Variants in MARK3 observed in about 807,000 individuals in gnomAD.
The protein encoded by MARK3 is MAP/microtubule affinity-regulating kinase 3.
In MARK3, 46 loss-of-function variants were observed where a neutral mutation model predicts 90.1. The ratio of observed to expected loss-of-function variants is 0.51; its 90% CI spans 0.40 to 0.65. The LOEUF is 0.65. Ranked by LOEUF, MARK3 falls within the 30% of genes least tolerant of loss-of-function variation. The pLI is 0.00. For synonymous variants in MARK3, 321 were observed against 332.6 expected (o/e 0.97, Z 0.38); for missense variants, 818 against 947.2 (o/e 0.86, Z 1.79).
intron 13 of MARK3, among the ~76,000 whole-genome samples, chr14:103,475,824 A>G (rs879372873): frequency 4.6e-5 from 7 of 152,116 alleles, no homozygotes; most frequent in Non-Finnish European, 8.8e-5. Context: ...AGGCACCTGT[A>G]ATCCCAGCTG....
intron 14 of MARK3, among the ~76,000 whole-genome samples, chr14:103,487,065 C>T (rs1052026620): frequency 4.0e-5 from 6 of 151,712 alleles, no homozygotes; most frequent in Admixed American, 2.6e-4. Flanking sequence ...TACAGGGGCC[C>T]GCCACCACAC....
intron 1 of MARK3, among the ~76,000 whole-genome samples, chr14:103,399,533 T>TA (rs1812263362): frequency 6.6e-6 from 1 of 151,798 alleles, no homozygotes; most frequent in Non-Finnish European, 1.5e-5. Context: ...TCGTCTCTAC[T>TA]AAAAATACGA....
Position 103,465,973 on chromosome 14 carries a change from A to G in MARK3, c.779A>G (p.Glu260Gly). 6.2e-7 allele frequency: 1 copy of G among 1,612,580 alleles called. No homozygotes were observed. Among genetic ancestry groups the G allele is most frequent in the Non-Finnish European group, 8.5e-7 (1 of 1,179,538 alleles). ...SLPFDGQNLK[E>G]LRERVLRGKY... ...TCTTTCCTCTGTACCTCTCCAAAGG[A>G]ACTGAGAGAGAGAGTATTAAGAGGG... The change falls in exon 9 of 18, where the codon GAA (glutamate) becomes GGA (glycine). Residue 260 changes from glutamate (E) to glycine (G), a missense_variant and splice_region_variant. Glu to Gly is a moderately conservative substitution (Grantham distance 98). Coordinates refer to ENST00000429436, the MANE Select transcript of MARK3 (RefSeq NM_001128918.3).
At chr14:103,479,077 A>G (rs7145113) in intron 13 of MARK3, among the ~76,000 whole-genome samples, 44,009 of 152,036 alleles carry the variant, frequency 0.29, 7,059 homozygotes, top group Middle Eastern at 0.46. Context: ...CTAAAGTACA[A>G]TGGTGCAAAC....
chr14:103,407,554 CTTTTTTTT>C (rs71460673), intron 2 of MARK3, among the ~76,000 whole-genome samples: 45 of 71,662 alleles, frequency 6.3e-4, no homozygotes, highest in African/African-American at 2.1e-3. Flanking sequence ...TGTTTTGCCT[CTTTTTTTT>C]TTTTTTTTTT....
At chr14:103,475,957 A>G (rs2093707548) in intron 13 of MARK3, among the ~76,000 whole-genome samples, 1 of 151,900 alleles carries the variant, frequency 6.6e-6, no homozygotes, top group Non-Finnish European at 1.5e-5. Flanking sequence ...AAAAAAAAAA[A>G]GATACTAATC....
chr14:103,385,945 G>C lies in MARK3; in HGVS notation c.-85G>C. The C allele has an allele frequency of 9.0e-7, 1 of 1,117,168 alleles. No individual in the cohort carries two copies. The highest frequency in any genetic ancestry group is 1.7e-5 in the Admixed American group (1 of 58,664). 69.2% of individuals were successfully genotyped at this position (1,117,168 alleles called of 1,614,324 possible). A position where few individuals can be genotyped will look rare whatever the true frequency, so the allele number is the denominator to read the frequency against. On this transcript the variant is annotated 5_prime_UTR_variant, in exon 1 of 18. Transcript: ENST00000429436. ...ACGGCGCCTTTTCGGAACTGCCGTG[G>C]ACTCGAGGACGCTGGTCGCCGGCCT...
In MARK3 at chr14:103,391,655, G is replaced by A. The variant is rs575295255; in HGVS notation, c.51+5575G>A. Among the ~76,000 whole-genome samples, 9 of 147,490 alleles carry A rather than the reference G, an allele frequency of 6.1e-5. No homozygotes were observed. The East Asian group carries it at 1.0e-3, about 16-fold the overall frequency. On this transcript the variant is annotated intron_variant, in intron 1 of 17. Coordinates refer to ENST00000429436, the MANE Select transcript of MARK3 (RefSeq NM_001128918.3). ...TGCCGCCCGGGTTCAAGCGATTGTC[G>A]TGCGCAGCCTCCCGAGTAGCTGGGA...
At chr14:103,412,249 T>G in intron 2 of MARK3, 2 of 743,166 alleles carry the variant, frequency 2.7e-6, no homozygotes. Context: ...GCTCATCGTC[T>G]GTCATCTTCA....
At chr14:103,416,778 A>G (rs2091961260) in intron 2 of MARK3, among the ~76,000 whole-genome samples, 1 of 152,180 alleles carries the variant, frequency 6.6e-6, no homozygotes, top group South Asian at 2.1e-4. Flanking sequence ...GTCTCAAAAA[A>G]TAAAGAAAGA....
chr14:103,481,176 G>A (rs990770701), intron 14 of MARK3, among the ~76,000 whole-genome samples: 1 of 152,070 alleles, frequency 6.6e-6, no homozygotes, highest in African/African-American at 2.4e-5. Context: ...AGACTCTGAG[G>A]TGGGGTTAGT....
intron 5 of MARK3, among the ~76,000 whole-genome samples, chr14:103,452,867 G>T (rs893622428): frequency 1.1e-4 from 16 of 152,178 alleles, no homozygotes; most frequent in Non-Finnish European, 2.4e-4. Context: ...TCCTTTTTAA[G>T]GCCGAATAAT....
At chr14:103,495,478 CA>C (rs11462384) in intron 15 of MARK3, among the ~76,000 whole-genome samples, 2,104 of 142,600 alleles carry the variant, frequency 0.015, 49 homozygotes, top group African/African-American at 0.048. Flanking sequence ...CACTCCATCT[CA>C]AAAAAAAAAA....
In MARK3 at chr14:103,431,982, CT is replaced by C. The variant is rs772025421; in HGVS notation, c.297+3543del. ...TTCCATACTTGGAATTGTTTCCCCC[CT>C]CCCACCTGAATTTGTTTGATTCCTG... On this transcript the variant is annotated intron_variant, in intron 3 of 17. Transcript: ENST00000429436. Among the ~76,000 whole-genome samples, 696 of 151,024 alleles carry C rather than the reference CT, an allele frequency of 4.6e-3. 2 individuals carry two copies. The highest frequency in any genetic ancestry group is 0.014 in the African/African-American group (560 of 41,146).
chr14:103,484,163 C>CTTTTTTTTTTTTTT (rs34512580), intron 14 of MARK3, among the ~76,000 whole-genome samples: 2 of 146,280 alleles, frequency 1.4e-5, no homozygotes, highest in Non-Finnish European at 3.0e-5. Flanking sequence ...AGAATCTTTT[C>CTTTTTTTTTTTTTT]TTTTTTTTTT....
chr14:103,417,902 A>ACT (rs1469796050), intron 2 of MARK3, among the ~76,000 whole-genome samples: 1 of 152,072 alleles, frequency 6.6e-6, no homozygotes, highest in African/African-American at 2.4e-5. Flanking sequence ...CCCTGCCTCT[A>ACT]CTAAAAATCC....
At chr14:103,488,116 A>G (rs1373629154) in intron 14 of MARK3, among the ~76,000 whole-genome samples, 1 of 152,118 alleles carries the variant, frequency 6.6e-6, no homozygotes, top group Non-Finnish European at 1.5e-5. Flanking sequence ...ACAAGAAACA[A>G]CCGAGCATTT....
chr14:103,502,803 G>A (rs1225174762), intron 17 of MARK3, 79 bp from the exon 18 acceptor site: 11 of 1,121,856 alleles, frequency 9.8e-6, no homozygotes, highest in South Asian at 1.5e-5. Context: ...TATCAAAGAC[G>A]TGAATGAGGA....
chr14:103,393,104 C>T (rs2090365802), intron 1 of MARK3, among the ~76,000 whole-genome samples: 1 of 152,228 alleles, frequency 6.6e-6, no homozygotes, highest in Admixed American at 6.5e-5. Flanking sequence ...CCTCAGCCTC[C>T]CGAGTAGCTG....
Sources: allele counts gnomAD v4.1 joint callset (sites outside exome capture counted in the v4.1 genomes callset), GRCh38; gene constraint gnomAD v4.1.1; transcripts MANE v1.5; gene names NCBI Gene and HGNC (gene_info 2026-07-23, HGNC 2026-07-21).